PREP: variants seen among roughly 807,000 people sequenced by gnomAD.
PREP encodes prolyl endopeptidase.
Under a neutral mutation model 87.6 loss-of-function variants are expected in PREP, and 29 were observed. That is an observed-to-expected ratio of 0.33 (90% CI 0.25 to 0.45). PREP has a LOEUF of 0.45. Among genes scored for constraint, PREP ranks in the 20% least tolerant of loss-of-function variants. The pLI, the probability that PREP is intolerant of heterozygous loss-of-function variation, is 1.00. For missense variants in PREP, 695 were observed against 886.5 expected, an observed-to-expected ratio of 0.78 and a Z score of 2.74; for synonymous variants, 337 against 328.6, an observed-to-expected ratio of 1.03 and a Z score of -0.28.
At chr6:105,321,885 G>A (rs565695087) in intron 10 of PREP, among the ~76,000 whole-genome samples, 6 of 152,182 alleles carry the variant, frequency 3.9e-5, no homozygotes, top group Non-Finnish European at 5.9e-5. Flanking sequence ...ACCCTACCCC[G>A]TCCTACCTAG....
At chr6:105,294,083 C>T (rs1354274935) in intron 10 of PREP, among the ~76,000 whole-genome samples, 1 of 152,164 alleles carries the variant, frequency 6.6e-6, no homozygotes, top group Non-Finnish European at 1.5e-5. Context: ...TCCTTGCTTC[C>T]ATTTGCTTCC....
intron 7 of PREP, among the ~76,000 whole-genome samples, chr6:105,335,655 G>C (rs1012476582): frequency 2.0e-5 from 3 of 152,142 alleles, no homozygotes; most frequent in Non-Finnish European, 4.4e-5. Flanking sequence ...ATTTTGGGAG[G>C]ACAAAGCCGG....
chr6:105,285,677 C>CT, intron 11 of PREP, 97 bp from the exon 12 acceptor site: 1 of 904,920 alleles, frequency 1.1e-6, no homozygotes, highest in Admixed American at 1.9e-5. Flanking sequence ...CAACAACACT[C>CT]TGAGTAATAT....
chr6:105,387,607 T>TAAAAAAAA (rs564808829), intron 2 of PREP, among the ~76,000 whole-genome samples: 1 of 94,322 alleles, frequency 1.1e-5, no homozygotes, highest in Admixed American at 1.2e-4. Flanking sequence ...GCTGATGAGC[T>TAAAAAAAA]AAAAAAAAAA....
intron 7 of PREP, among the ~76,000 whole-genome samples, chr6:105,339,010 C>T (rs1192121416): frequency 2.6e-5 from 4 of 152,258 alleles, no homozygotes; most frequent in Non-Finnish European, 4.4e-5. Flanking sequence ...TTAAACATCC[C>T]TGTCTGATAG....
At chr6:105,393,790 G>A (rs762088575) in intron 2 of PREP, among the ~76,000 whole-genome samples, 1 of 152,070 alleles carries the variant, frequency 6.6e-6, no homozygotes, top group Non-Finnish European at 1.5e-5. Flanking sequence ...GCTAGGCAGT[G>A]GCAGGATTGG....
intron 10 of PREP, among the ~76,000 whole-genome samples, chr6:105,290,563 C>T (rs981667805): frequency 3.9e-5 from 6 of 152,158 alleles, no homozygotes; most frequent in African/African-American, 1.4e-4. Context: ...TGATACACTC[C>T]TCATCCCAGC....
At position 105,375,862 on chromosome 6, in the gene PREP, G is replaced by A. The variant is rs115378428; in HGVS notation, c.385+263C>T. Reference sequence around the variant, plus strand: ...ATGATGATGATATGTCAAGATTCCAGAAGCCCTAGAAGCTAATTTGGGTCC... The same window carrying A: ...ATGATGATGATATGTCAAGATTCCAAAAGCCCTAGAAGCTAATTTGGGTCC... On this transcript the variant is annotated intron_variant, in intron 4 of 14. Coordinates refer to ENST00000652536, the MANE Select transcript of PREP (RefSeq NM_002726.5). Among the ~76,000 whole-genome samples the A allele has an allele frequency of 1.7e-3, 265 of 152,322 alleles. 3 individuals are homozygous for A. The highest frequency in any genetic ancestry group is 6.0e-3 in the African/African-American group (249 of 41,580).
At chr6:105,379,388 T>C (rs1336881881) in intron 2 of PREP, among the ~76,000 whole-genome samples, 2 of 152,246 alleles carry the variant, frequency 1.3e-5, no homozygotes, top group Non-Finnish European at 2.9e-5. Context: ...AATTGGATTT[T>C]GCTTTTTAGT....
At chr6:105,390,341 C>T (rs368840548) in intron 2 of PREP, among the ~76,000 whole-genome samples, 27 of 152,132 alleles carry the variant, frequency 1.8e-4, no homozygotes, top group African/African-American at 5.1e-4. Context: ...TCAGAAGGAA[C>T]GAATATAAAT....
At chr6:105,296,791 A>G (rs991760064) in intron 10 of PREP, among the ~76,000 whole-genome samples, 7 of 151,936 alleles carry the variant, frequency 4.6e-5, no homozygotes, top group Non-Finnish European at 1.0e-4. Flanking sequence ...AACCTTCCTA[A>G]TTGATCCATT....
In PREP at chr6:105,328,995, CAAG is replaced by C; in HGVS notation, c.1044_1046del (p.Phe348del). On this transcript the variant is annotated inframe_deletion, in exon 9 of 15. Transcript: ENST00000652536. ...TGACGTCATGGAGGTAGCATAAGAC[CAAG>C]AAGTTGGACCTGACACAAGCTATCC... 3 of 1,613,938 alleles carry C rather than the reference CAAG, an allele frequency of 1.9e-6. No homozygotes were observed. Among genetic ancestry groups the C allele is most frequent in the Non-Finnish European group, 2.5e-6 (3 of 1,179,934 alleles).
rs763423837 is a variant in PREP, at chr6:105,377,524, G to A, written c.121-5C>T. 5.6e-6 allele frequency: 9 copies of A among 1,609,836 alleles called. No individual in the cohort carries two copies. Among genetic ancestry groups the A allele is most frequent in the Non-Finnish European group, 6.8e-6 (8 of 1,179,004 alleles). ...ATTCTGGGCCTCCACAAAGGCCTGTGGAGAAATTAAAATGGACAAAGCAAG... is the reference window on the plus strand; with the variant it reads ...ATTCTGGGCCTCCACAAAGGCCTGTAGAGAAATTAAAATGGACAAAGCAAG... On this transcript the variant is annotated splice_region_variant and splice_polypyrimidine_tract_variant and intron_variant, in intron 2 of 14. Coordinates refer to ENST00000652536, the MANE Select transcript of PREP (RefSeq NM_002726.5).
chr6:105,279,438 G>A (rs1027929892), intron 14 of PREP, among the ~76,000 whole-genome samples: 1 of 152,184 alleles, frequency 6.6e-6, no homozygotes, highest in Non-Finnish European at 1.5e-5. Flanking sequence ...AAAGAAACAA[G>A]TTTGGAAAAC....
chr6:105,323,183 C>A lies in PREP; in HGVS notation c.1317+482G>T, dbSNP rs182591655. 3.4e-3 allele frequency: 3,920 copies of A among 1,150,032 alleles called. 193 individuals carry two copies. In the East Asian group the frequency reaches 0.13, roughly 38 times the overall value. The allele number at this position is 1,150,032 out of a possible 1,614,324, so 71.2% of individuals were successfully genotyped here. A position where few individuals can be genotyped will look rare whatever the true frequency, so the allele number is the denominator to read the frequency against. On this transcript the variant is annotated intron_variant, in intron 10 of 14. Transcript: ENST00000652536. ...AAAGACGAAGCTTGTGGTGACATGA[C>A]AATTAATTAATTTATTCATTCAAAT...
Position 105,278,134 on chromosome 6 carries a change from C to A in PREP, c.*10G>T, listed in dbSNP as rs766807721. 2 of 1,599,102 alleles carry A rather than the reference C, an allele frequency of 1.3e-6. No homozygotes were observed. Among genetic ancestry groups the A allele is most frequent in the South Asian group, 1.1e-5 (1 of 90,026 alleles). ...TTTCTGTCGCTGTCAGGAGGAAGCACGAAAACTGTTTATGGAATCCAGTCG... is the reference window on the plus strand; with the variant it reads ...TTTCTGTCGCTGTCAGGAGGAAGCAAGAAAACTGTTTATGGAATCCAGTCG... On this transcript the variant is annotated 3_prime_UTR_variant, in exon 15 of 15. Coordinates refer to ENST00000652536, the MANE Select transcript of PREP (RefSeq NM_002726.5). This position sits in a 1 kb window ranked among gnomAD's most constrained non-coding sequence, Gnocchi z 4.2.
At position 105,276,367 on chromosome 6, in the gene PREP, T is replaced by G. The variant is rs188706530; in HGVS notation, c.*1777A>C. Among the ~76,000 whole-genome samples, 1,177 of 136,592 alleles carry G rather than the reference T, an allele frequency of 8.6e-3. 18 individuals are homozygous for G. The highest frequency in any genetic ancestry group is 0.039 in the African/African-American group (1,049 of 26,718). The allele number at this position is 136,592 out of a possible 152,430, so 89.6% of individuals were successfully genotyped here. ...ACACACTACACACTGTATTTTCTGC[T>G]GTAAAGCAGACCTCAGAAAGTATGG... On this transcript the variant is annotated 3_prime_UTR_variant, in exon 15 of 15. Coordinates refer to ENST00000652536, the MANE Select transcript of PREP (RefSeq NM_002726.5).
intron 6 of PREP, among the ~76,000 whole-genome samples, chr6:105,365,054 C>G (rs1228613418): frequency 6.6e-6 from 1 of 152,274 alleles, no homozygotes; most frequent in African/African-American, 2.4e-5. Flanking sequence ...TGAGACCACC[C>G]TGGCCAACAT....
At chr6:105,399,083 G>A (rs1341237573) in intron 1 of PREP, among the ~76,000 whole-genome samples, 2 of 151,738 alleles carry the variant, frequency 1.3e-5, no homozygotes, top group East Asian at 1.9e-4. Flanking sequence ...ACTCCAGCCC[G>A]GGCAACAGAG....
Sources: gnomAD v4.1 joint callset for allele counts (sites outside exome capture counted in the v4.1 genomes callset) on GRCh38, gnomAD v4.1.1 for gene constraint, Gnocchi (gnomAD v3.1) non-coding constraint, MANE v1.5 for transcripts, NCBI Gene and HGNC (gene_info 2026-07-23, HGNC 2026-07-21) for gene names.